DAPK2: variants seen among roughly 807,000 people sequenced by gnomAD.
The protein encoded by DAPK2 is death-associated protein kinase 2.
A neutral mutation model predicts 44.1 loss-of-function variants in DAPK2; 35 were observed. The ratio of observed to expected loss-of-function variants is 0.79; its 90% CI spans 0.61 to 1.05. The LOEUF is 1.05. Ranked by LOEUF, DAPK2 falls within the 50% of genes least tolerant of loss-of-function variation. The probability of loss-of-function intolerance (pLI) is 0.00; values close to 1 mark genes in which losing one functional copy is unlikely to be tolerated. For missense variants in DAPK2, 453 were observed against 483.2 expected, an observed-to-expected ratio of 0.94 and a Z score of 0.59; for synonymous variants, 174 against 182.6, an observed-to-expected ratio of 0.95 and a Z score of 0.38.
intron 4 of DAPK2, among the ~76,000 whole-genome samples, chr15:63,934,116 A>G (rs2077060306): frequency 6.6e-6 from 1 of 152,030 alleles, no homozygotes; most frequent in Non-Finnish European, 1.5e-5. Context: ...TCTTTGAGAC[A>G]TAACTGTGGA....
intron 3 of DAPK2, among the ~76,000 whole-genome samples, chr15:63,970,453 G>T (rs745667496): frequency 2.6e-5 from 4 of 152,022 alleles, no homozygotes; most frequent in Admixed American, 6.5e-5. Flanking sequence ...CTGATATCCC[G>T]GTTGGACTTA....
At chr15:63,970,353 C>T (rs2078177942) in intron 3 of DAPK2, among the ~76,000 whole-genome samples, 1 of 152,154 alleles carries the variant, frequency 6.6e-6, no homozygotes, top group Non-Finnish European at 1.5e-5. Flanking sequence ...ATTCTGCTGG[C>T]CTTTCTTCCT....
chr15:64,012,034 G>A (rs1349697060), intron 1 of DAPK2, among the ~76,000 whole-genome samples: 1 of 152,070 alleles, frequency 6.6e-6, no homozygotes, highest in South Asian at 2.1e-4. Flanking sequence ...AGTTCCTTCC[G>A]TAAAGTGCAG....
At chr15:63,962,164 A>G (rs2077920602) in intron 3 of DAPK2, among the ~76,000 whole-genome samples, 1 of 152,164 alleles carries the variant, frequency 6.6e-6, no homozygotes, top group Admixed American at 6.5e-5. Flanking sequence ...TGCGTCACAT[A>G]GTTCTCGTGC....
At chr15:63,911,604 G>T (rs1567197032) in intron 10 of DAPK2, 2 of 414,788 alleles carry the variant, frequency 4.8e-6, no homozygotes, top group African/African-American at 2.0e-5. Flanking sequence ...AATACATTTT[G>T]GGTTGTCTGT....
intron 1 of DAPK2, among the ~76,000 whole-genome samples, chr15:63,986,313 A>C (rs1041540928): frequency 6.6e-6 from 1 of 152,222 alleles, no homozygotes; most frequent in Non-Finnish European, 1.5e-5. Flanking sequence ...AAATATTTGT[A>C]ATGTTGGCCC....
At chr15:64,004,116 C>T (rs778298881) in intron 1 of DAPK2, among the ~76,000 whole-genome samples, 1 of 151,880 alleles carries the variant, frequency 6.6e-6, no homozygotes, top group Non-Finnish European at 1.5e-5. Flanking sequence ...CCAGAGCTCC[C>T]CTCCATCCCT....
At chr15:64,029,648 T>G (rs1340447452) in intron 1 of DAPK2, 1 of 152,330 alleles carries the variant, frequency 6.6e-6, no homozygotes, top group African/African-American at 2.4e-5. Flanking sequence ...GGGCAAGGTC[T>G]AAGCCCTAAG....
In DAPK2 at chr15:63,923,377, T is replaced by G; in HGVS notation, c.858+1439A>C. ...TGTTCAGACAGAAGAATCAGAGTGT[T>G]AATTTGCCGCCCACCCCAGAGGGCA... On this transcript the variant is annotated intron_variant, in intron 8 of 10. Coordinates refer to ENST00000261891, the Ensembl canonical transcript of DAPK2. The surrounding 1 kb of genome is among the most constrained non-coding windows in gnomAD (Gnocchi z 4.2). The G allele has an allele frequency of 6.6e-7, 1 of 1,522,070 alleles. No homozygotes were observed. The highest frequency in any genetic ancestry group is 8.8e-7 in the Non-Finnish European group (1 of 1,137,832). 94.3% of individuals were successfully genotyped at this position (1,522,070 alleles called of 1,614,324 possible).
intron 3 of DAPK2, among the ~76,000 whole-genome samples, chr15:63,945,409 A>G (rs11071778): frequency 0.57 from 86,146 of 152,040 alleles, 25,180 homozygotes; most frequent in East Asian, 0.99. Context: ...GAAAGAATCC[A>G]GGGCCAGAGG....
chr15:64,028,992 A>G (rs1368019699), intron 1 of DAPK2, among the ~76,000 whole-genome samples: 1 of 152,240 alleles, frequency 6.6e-6, no homozygotes, highest in African/African-American at 2.4e-5. Flanking sequence ...GATATGTGGA[A>G]AGGTACATAT....
rs772176640 is a variant in DAPK2, at chr15:63,934,249, G to GTTTTT, written c.584-3799_584-3795dup. On this transcript the variant is annotated intron_variant, in intron 4 of 10. Coordinates refer to ENST00000261891, the Ensembl canonical transcript of DAPK2. ...TTCTTCATGTTCTAGTTTTATCCTAGTTTTTTTTTTTTTTTTTTTTTTTTT... is the reference window on the plus strand; with the variant it reads ...TTCTTCATGTTCTAGTTTTATCCTAGTTTTTTTTTTTTTTTTTTTTTTTTTTTTTT... 6.6e-4 allele frequency among the ~76,000 whole-genome samples: 42 copies of GTTTTT among 63,290 alleles called. 8 individuals carry two copies. Among genetic ancestry groups the GTTTTT allele is most frequent in the Admixed American group, 1.9e-3 (9 of 4,688 alleles). 41.5% of individuals were successfully genotyped at this position (63,290 alleles called of 152,430 possible). A position where few individuals can be genotyped will look rare whatever the true frequency, so the allele number is the denominator to read the frequency against.
chr15:63,963,797 T>C (rs568315927), intron 3 of DAPK2, among the ~76,000 whole-genome samples: 1 of 152,366 alleles, frequency 6.6e-6, no homozygotes, highest in East Asian at 1.9e-4. Context: ...ATGACAACAA[T>C]GCTGATTGCA....
intron 7 of DAPK2, among the ~76,000 whole-genome samples, chr15:63,925,679 C>CGCGCAT (rs746990107): frequency 2.7e-5 from 1 of 37,612 alleles, no homozygotes; most frequent in East Asian, 4.0e-4. Flanking sequence ...ACTTGTAGCG[C>CGCGCAT]ACACACACAC....
intron 3 of DAPK2, among the ~76,000 whole-genome samples, chr15:63,969,120 T>C (rs1277513213): frequency 6.6e-6 from 1 of 152,148 alleles, no homozygotes; most frequent in Non-Finnish European, 1.5e-5. Flanking sequence ...GTTGGAGGTA[T>C]TAAAAAATAC....
intron 2 of DAPK2, among the ~76,000 whole-genome samples, chr15:63,978,923 G>T (rs981764840): frequency 1.3e-5 from 2 of 152,212 alleles, no homozygotes; most frequent in East Asian, 1.9e-4. Flanking sequence ...TTCTGGAAAT[G>T]TATACATGAA....
At chr15:63,940,584 C>T (rs1371110871) in intron 3 of DAPK2, among the ~76,000 whole-genome samples, 7 of 151,930 alleles carry the variant, frequency 4.6e-5, no homozygotes, top group Non-Finnish European at 1.0e-4. Flanking sequence ...TGGTGGCGCA[C>T]GCCTGTAGTC....
intron 1 of DAPK2, among the ~76,000 whole-genome samples, chr15:64,012,097 A>T (rs1161793361): frequency 6.6e-6 from 1 of 152,244 alleles, no homozygotes; most frequent in Non-Finnish European, 1.5e-5. Flanking sequence ...GCAAAGCTGT[A>T]CCATAAGGAA....
intron 10 of DAPK2, chr15:63,910,755 C>T (rs2078765324): frequency 6.6e-6 from 1 of 152,196 alleles, no homozygotes; most frequent in Non-Finnish European, 1.5e-5. Flanking sequence ...CAGGGTCTCA[C>T]TGTTGTTGCC....
Sources: gnomAD v4.1 joint callset for allele counts (sites outside exome capture counted in the v4.1 genomes callset) on GRCh38, gnomAD v4.1.1 for gene constraint, Gnocchi (gnomAD v3.1) non-coding constraint, MANE v1.5 for transcripts, NCBI Gene and HGNC (gene_info 2026-07-23, HGNC 2026-07-21) for gene names.